The following EPB41L5 variants were observed in gnomAD, a reference collection of about 807,000 sequenced individuals.
EPB41L5 encodes the protein erythrocyte membrane protein band 4.1 like 5.
In EPB41L5, 55 loss-of-function variants were observed where a neutral mutation model predicts 106.6. That is an observed-to-expected ratio of 0.52 (90% CI 0.42 to 0.65). The LOEUF (loss-of-function observed/expected upper bound fraction) is 0.65, where lower values mean the gene tolerates loss of function less well. Ranked by LOEUF, EPB41L5 falls within the 30% of genes least tolerant of loss-of-function variation. EPB41L5 has a pLI of 0.00. For synonymous variants in EPB41L5, 297 were observed against 306.7 expected (o/e 0.97, Z 0.33); for missense variants, 871 against 882.1 (o/e 0.99, Z 0.16).
At chr2:120,146,942 G>C (rs1273811437) in intron 20 of EPB41L5, among the ~76,000 whole-genome samples, 1 of 152,132 alleles carries the variant, frequency 6.6e-6, no homozygotes, top group Non-Finnish European at 1.5e-5. Flanking sequence ...AGTCAACATG[G>C]CACCACACAT....
intron 3 of EPB41L5, among the ~76,000 whole-genome samples, chr2:120,047,899 T>G (rs188489571): frequency 6.6e-6 from 1 of 152,380 alleles, no homozygotes; most frequent in Admixed American, 6.5e-5. Context: ...AAAGGCCTTT[T>G]CTGCATCTAT....
At position 120,146,148 on chromosome 2, in the gene EPB41L5, C is replaced by G. The variant is rs1686392389; in HGVS notation, c.1729-77C>G. 5.7e-6 allele frequency: 5 copies of G among 878,412 alleles called. No individual in the cohort carries two copies. The Admixed American group carries it at 1.1e-4, about 19-fold the overall frequency. The allele number at this position is 878,412 out of a possible 1,614,324, so 54.4% of individuals were successfully genotyped here. ...AGCAAACTGATATTTCTGTTGTTAC[C>G]AGAAAGAAATGTAAATTTCTTGTTA... On this transcript the variant is annotated intron_variant, in intron 19 of 24. Transcript: ENST00000263713.
At chr2:120,109,498 T>A (rs1461981309) in intron 16 of EPB41L5, among the ~76,000 whole-genome samples, 1 of 152,202 alleles carries the variant, frequency 6.6e-6, no homozygotes, top group African/African-American at 2.4e-5. Flanking sequence ...CTTACCTGCA[T>A]TTGGGAATTT....
intron 2 of EPB41L5, among the ~76,000 whole-genome samples, chr2:120,038,254 T>A (rs889887802): frequency 6.6e-6 from 1 of 152,148 alleles, no homozygotes; most frequent in Admixed American, 6.6e-5. Flanking sequence ...AAATGGCTAA[T>A]AAGCACATTA....
At chr2:120,173,510 G>A (rs1171687081) in intron 24 of EPB41L5, among the ~76,000 whole-genome samples, 1 of 152,180 alleles carries the variant, frequency 6.6e-6, no homozygotes, top group East Asian at 1.9e-4. Flanking sequence ...TTGAGAACCA[G>A]GGACACAGAA....
At chr2:120,132,061 G>A (rs568036898) in intron 18 of EPB41L5, among the ~76,000 whole-genome samples, 5 of 152,274 alleles carry the variant, frequency 3.3e-5, no homozygotes, top group African/African-American at 9.6e-5. Context: ...GAGCTGCTCT[G>A]TGGTATAAAC....
chr2:120,122,738 C>T (rs7576340), intron 16 of EPB41L5, among the ~76,000 whole-genome samples: 87,203 of 151,946 alleles, frequency 0.57, 26,976 homozygotes, highest in Middle Eastern at 0.68. Context: ...TTGATGGGGA[C>T]GGCATTGAAT....
chr2:120,022,177 A>AT (rs929126706), intron 2 of EPB41L5, among the ~76,000 whole-genome samples: 5 of 151,944 alleles, frequency 3.3e-5, no homozygotes, highest in East Asian at 1.9e-4. Flanking sequence ...ATAGATAACA[A>AT]TTTTTTTTCC....
intron 2 of EPB41L5, among the ~76,000 whole-genome samples, chr2:120,032,644 T>C (rs571569183): frequency 6.6e-6 from 1 of 152,214 alleles, no homozygotes; most frequent in South Asian, 2.1e-4. Context: ...CCTTAGACTG[T>C]CAAGATTTCA....
chr2:120,051,396 A>G (rs2105248603), intron 3 of EPB41L5, among the ~76,000 whole-genome samples: 1 of 152,034 alleles, frequency 6.6e-6, no homozygotes, highest in East Asian at 1.9e-4. Context: ...TTGCAGTTTG[A>G]TCTCAGACTA....
intron 5 of EPB41L5, 131 bp from the exon 6 acceptor site, chr2:120,075,345 C>T (rs1206405648): frequency 4.2e-6 from 3 of 712,126 alleles, no homozygotes; most frequent in African/African-American, 1.8e-5. Context: ...TATCCCCAAA[C>T]TATGCACATC....
At chr2:120,132,893 T>G (rs1039552803) in intron 18 of EPB41L5, among the ~76,000 whole-genome samples, 3 of 152,042 alleles carry the variant, frequency 2.0e-5, no homozygotes, top group South Asian at 2.1e-4. Flanking sequence ...GGGCGGGGAT[T>G]GTTGGCTGTG....
At chr2:120,045,212 G>A (rs1679684833) in intron 3 of EPB41L5, among the ~76,000 whole-genome samples, 1 of 152,164 alleles carries the variant, frequency 6.6e-6, no homozygotes, top group Admixed American at 6.5e-5. Context: ...GAATTATGGA[G>A]TCATCATGGA....
At chr2:120,020,279 G>C (rs1254332783) in intron 2 of EPB41L5, among the ~76,000 whole-genome samples, 2 of 152,134 alleles carry the variant, frequency 1.3e-5, no homozygotes, top group East Asian at 3.8e-4. Flanking sequence ...ATACATAATT[G>C]AATAAGCTCG....
intron 20 of EPB41L5, among the ~76,000 whole-genome samples, chr2:120,156,105 A>G (rs993895511): frequency 1.3e-5 from 2 of 152,148 alleles, no homozygotes; most frequent in Non-Finnish European, 2.9e-5. Flanking sequence ...CCATCCCCCT[A>G]GGGTCAACTT....
At chr2:120,146,615 T>C (rs1255954770) in intron 20 of EPB41L5, among the ~76,000 whole-genome samples, 3 of 152,236 alleles carry the variant, frequency 2.0e-5, no homozygotes, top group East Asian at 1.9e-4. Context: ...CATCCTGTTA[T>C]CACAATGGCC....
At chr2:120,133,955 C>T (rs900585263) in intron 18 of EPB41L5, among the ~76,000 whole-genome samples, 1 of 152,096 alleles carries the variant, frequency 6.6e-6, no homozygotes, top group African/African-American at 2.4e-5. Context: ...GTCCTAAAGC[C>T]TCCATTTCAG....
At chr2:120,152,028 C>T (rs1214203937) in intron 20 of EPB41L5, among the ~76,000 whole-genome samples, 1 of 152,086 alleles carries the variant, frequency 6.6e-6, no homozygotes, top group African/African-American at 2.4e-5. Flanking sequence ...CTTTTTCTTA[C>T]CTGATTGCTT....
chr2:120,119,503 C>A (rs1685110096), intron 16 of EPB41L5, among the ~76,000 whole-genome samples: 4 of 152,044 alleles, frequency 2.6e-5, no homozygotes, highest in Non-Finnish European at 5.9e-5. Context: ...ACATTTGAGT[C>A]TTTAATCCAT....
Sources: allele counts gnomAD v4.1 joint callset (sites outside exome capture counted in the v4.1 genomes callset), GRCh38; gene constraint gnomAD v4.1.1; transcripts MANE v1.5; gene names NCBI Gene and HGNC (gene_info 2026-07-23, HGNC 2026-07-21).